MAD2L2: variants seen among roughly 807,000 people sequenced by gnomAD.
MAD2L2 encodes the protein mitotic arrest deficient 2 like 2.
In MAD2L2, 17 loss-of-function variants were observed where a neutral mutation model predicts 30.5. That is an observed-to-expected ratio of 0.56 (90% CI 0.38 to 0.84). MAD2L2 has a LOEUF of 0.84. Ranked by LOEUF, MAD2L2 falls within the 40% of genes least tolerant of loss-of-function variation. MAD2L2 has a pLI of 0.00. For synonymous variants in MAD2L2, 101 were observed against 113.9 expected, an observed-to-expected ratio of 0.89 and a Z score of 0.72; for missense variants, 213 against 277.4, an observed-to-expected ratio of 0.77 and a Z score of 1.65.
At chr1:11,691,349 C>T (rs1388400464) in intron 1 of MAD2L2, 1 of 152,228 alleles carries the variant, frequency 6.6e-6, no homozygotes, top group Non-Finnish European at 1.5e-5. Flanking sequence ...CCAGAGGCGC[C>T]ACAACTGCCG....
chr1:11,677,347 A>T (rs978557108), intron 4 of MAD2L2, 196 bp downstream of exon 4: 1 of 622,960 alleles, frequency 1.6e-6, no homozygotes, highest in Middle Eastern at 2.9e-4. Context: ...AGGCACCCTG[A>T]ACATGGCCCG....
chr1:11,686,097 C>T (rs2100718746), upstream of MAD2L2, among the ~76,000 whole-genome samples: 1 of 152,296 alleles, frequency 6.6e-6, no homozygotes, highest in South Asian at 2.1e-4. Context: ...CTTTTCAAAA[C>T]CCCATCCAAA....
Position 11,676,953 on chromosome 1 carries a change from A to C in MAD2L2, c.232-5T>G. 6.2e-7 allele frequency: 1 copy of C among 1,610,014 alleles called. No homozygotes were observed. Among genetic ancestry groups the C allele is most frequent in the Non-Finnish European group, 8.5e-7 (1 of 1,176,322 alleles). ...CACCACTTTCTCCACATCATTCTGCAAAGAGAGGAACCCCCACTGCAGAGC... is the reference window on the plus strand; with the variant it reads ...CACCACTTTCTCCACATCATTCTGCCAAGAGAGGAACCCCCACTGCAGAGC... On this transcript the variant is annotated splice_polypyrimidine_tract_variant and splice_region_variant and intron_variant, in intron 4 of 8. Coordinates refer to ENST00000376692, the MANE Select transcript of MAD2L2 (RefSeq NM_006341.4).
Position 11,674,649 on chromosome 1 carries a change from G to T in MAD2L2, c.*126C>A, listed in dbSNP as rs1011002004. 5.8e-6 allele frequency: 6 copies of T among 1,027,842 alleles called. No individual in the cohort carries two copies. The Admixed American group carries it at 1.1e-4, about 19-fold the overall frequency. 63.7% of individuals were successfully genotyped at this position (1,027,842 alleles called of 1,614,324 possible). On this transcript the variant is annotated 3_prime_UTR_variant, in exon 9 of 9. Coordinates refer to ENST00000376692, the MANE Select transcript of MAD2L2 (RefSeq NM_006341.4). The surrounding 1 kb of genome is among the most constrained non-coding windows in gnomAD (Gnocchi z 6.1). Reference sequence around the variant, plus strand: ...AGCAGACCTGAGCGGCCCCGGGCTGGGGCGGGCGATCCACACACAGAGGCG... The same window carrying T: ...AGCAGACCTGAGCGGCCCCGGGCTGTGGCGGGCGATCCACACACAGAGGCG...
At chr1:11,685,231 C>A (rs991473536), upstream of MAD2L2, among the ~76,000 whole-genome samples, 1 of 151,914 alleles carries the variant, frequency 6.6e-6, no homozygotes, top group South Asian at 2.1e-4. Context: ...ATGCCCAGCC[C>A]GAATTCAGGT....
rs1360607059 is a variant in MAD2L2, at chr1:11,674,900, A to ACCT, written c.595-87_595-85dup. Reference sequence around the variant, plus strand: ...GGACACAGAAGCCCCTGGTGGGCAGACCTCCACCACAGGTGGGGCCTCGTG... The same window carrying ACCT: ...GGACACAGAAGCCCCTGGTGGGCAGACCTCCTCCACCACAGGTGGGGCCTCGTG... On this transcript the variant is annotated intron_variant, in intron 8 of 8. Coordinates refer to ENST00000376692, the MANE Select transcript of MAD2L2 (RefSeq NM_006341.4). The surrounding 1 kb of genome is among the most constrained non-coding windows in gnomAD (Gnocchi z 6.1). 6.6e-7 allele frequency: 1 copy of ACCT among 1,505,632 alleles called. No individual in the cohort carries two copies. Among genetic ancestry groups the ACCT allele is most frequent in the African/African-American group, 1.4e-5 (1 of 72,810 alleles). 93.3% of individuals were successfully genotyped at this position (1,505,632 alleles called of 1,614,324 possible).
At chr1:11,684,616 T>C (rs894762746), upstream of MAD2L2, among the ~76,000 whole-genome samples, 4 of 152,112 alleles carry the variant, frequency 2.6e-5, no homozygotes, top group Admixed American at 1.3e-4. Flanking sequence ...CTGGGGTTTA[T>C]GGAACAAACC....
chr1:11,677,855 C>T (rs1333249490), intron 3 of MAD2L2, among the ~76,000 whole-genome samples: 2 of 151,952 alleles, frequency 1.3e-5, no homozygotes, highest in Non-Finnish European at 2.9e-5. Flanking sequence ...GTCAGGTATT[C>T]GAGACCAGCC....
At chr1:11,675,831 C>G in intron 6 of MAD2L2, 100 bp from the exon 7 acceptor site, 1 of 1,064,444 alleles carries the variant, frequency 9.4e-7, no homozygotes, top group Middle Eastern at 2.0e-4. Context: ...GCAGCACCCC[C>G]AGAGCAGATG....
intron 1 of MAD2L2, among the ~76,000 whole-genome samples, chr1:11,686,983 A>G (rs915055559): frequency 6.6e-6 from 1 of 152,198 alleles, no homozygotes; most frequent in Non-Finnish European, 1.5e-5. Context: ...AGGGTTGTTC[A>G]TGCCCAAAGT....
upstream of MAD2L2, among the ~76,000 whole-genome samples, chr1:11,686,125 C>T (rs1640952038): frequency 6.6e-6 from 1 of 152,166 alleles, no homozygotes; most frequent in African/African-American, 2.4e-5. Context: ...TAGCGGCATC[C>T]CCATAGCTCC....
upstream of MAD2L2, chr1:11,681,697 G>A (rs909074878): frequency 2.0e-5 from 3 of 152,258 alleles, no homozygotes; most frequent in Non-Finnish European, 2.9e-5. Flanking sequence ...CGCCCAAGAG[G>A]ATGAACCCTC....
At chr1:11,676,181 C>A (rs1201131928) in intron 5 of MAD2L2, 41 bp from the exon 6 acceptor site, 9 of 1,345,096 alleles carry the variant, frequency 6.7e-6, no homozygotes, top group Non-Finnish European at 9.3e-6. Flanking sequence ...CTGGCGCCCT[C>A]CCCTCCACCA....
chr1:11,684,536 G>C (rs1640927932), upstream of MAD2L2, among the ~76,000 whole-genome samples: 1 of 152,120 alleles, frequency 6.6e-6, no homozygotes, highest in African/African-American at 2.4e-5. Context: ...CACTGAAATG[G>C]AAACTGAGAA....
chr1:11,691,585 C>G (rs752940), exon 1 of MAD2L2: 29,092 of 151,346 alleles, frequency 0.19, 4,920 homozygotes, highest in African/African-American at 0.46. Context: ...GGGTGCGCGC[C>G]GGGCCCGGCC....
At position 11,676,127 on chromosome 1, in the gene MAD2L2, A is replaced by C; in HGVS notation, c.346T>G (p.Leu116Val). Residue 116 changes from leucine to valine, a missense_variant, in exon 6 of 9, where the codon TTG becomes GTG. By Grantham distance (32) the Leu-to-Val change is conservative. Transcript: ENST00000376692. ...PLLSISSDSL[L>V]SHVEQLLRAF... ...CGGAGCAGCTGCTCCACATGAGACA[A>C]CAGCGAGTCTGAGCTGGGAGTGAGA... The C allele has an allele frequency of 6.2e-7, 1 of 1,602,716 alleles. No homozygotes were observed. Among genetic ancestry groups the C allele is most frequent in the Non-Finnish European group, 8.5e-7 (1 of 1,172,638 alleles).
upstream of MAD2L2, among the ~76,000 whole-genome samples, chr1:11,682,772 C>A (rs530248538): frequency 2.5e-4 from 38 of 152,116 alleles, no homozygotes; most frequent in Admixed American, 2.0e-3. Flanking sequence ...TGTAAAAATG[C>A]GATGCATTTT....
intron 3 of MAD2L2, among the ~76,000 whole-genome samples, chr1:11,678,962 G>A (rs776399191): frequency 7.9e-5 from 12 of 152,160 alleles, no homozygotes; most frequent in Non-Finnish European, 1.5e-4. Context: ...TCAGGAGATC[G>A]AGACCAGCCT....
chr1:11,679,324 G>T (rs1255907675), intron 3 of MAD2L2, among the ~76,000 whole-genome samples: 1 of 152,222 alleles, frequency 6.6e-6, no homozygotes, highest in Non-Finnish European at 1.5e-5. Flanking sequence ...TTATTCTCAT[G>T]TTTCCTGAGT....
Sources: allele counts gnomAD v4.1 joint callset (sites outside exome capture counted in the v4.1 genomes callset), GRCh38; gene constraint gnomAD v4.1.1; non-coding constraint Gnocchi (gnomAD v3.1); transcripts MANE v1.5; gene names NCBI Gene and HGNC (gene_info 2026-07-23, HGNC 2026-07-21).